SEMA3A: variants seen among roughly 807,000 people sequenced by gnomAD.
SEMA3A encodes the protein semaphorin-3A.
In SEMA3A, 29 loss-of-function variants were observed where a neutral mutation model predicts 97.9. The ratio of observed to expected loss-of-function variants is 0.30; its 90% CI spans 0.22 to 0.40. The LOEUF (loss-of-function observed/expected upper bound fraction) is 0.40, where lower values mean the gene tolerates loss of function less well. Ranked by LOEUF, SEMA3A falls within the 10% of genes least tolerant of loss-of-function variation. The probability of loss-of-function intolerance (pLI) is 1.00; values close to 1 mark genes in which losing one functional copy is unlikely to be tolerated. For synonymous variants in SEMA3A, 321 were observed against 323.7 expected (o/e 0.99, Z 0.09); for missense variants, 763 against 951.3 (o/e 0.80, Z 2.60).
rs145647995 is a variant in SEMA3A at position 84,311,775 on chromosome 7, G to T, written c.-168-4483C>A. Among the ~76,000 whole-genome samples the T allele has an allele frequency of 2.6e-4, 40 of 152,010 alleles. No individual in the cohort carries two copies. In the East Asian group the frequency reaches 6.6e-3, roughly 25 times the overall value. Reference sequence around the variant, plus strand: ...TTTACCTCTCAAACTTATCAGTTGTGCAATTGAAACCTTTTCATAGTTAAG... The same window carrying T: ...TTTACCTCTCAAACTTATCAGTTGTTCAATTGAAACCTTTTCATAGTTAAG... On this transcript the variant is annotated intron_variant, in intron 2 of 3. Coordinates refer to the SEMA3A transcript ENST00000424555.
intron 3 of SEMA3A, among the ~76,000 whole-genome samples, chr7:84,275,427 T>C (rs1470404310): frequency 6.6e-6 from 1 of 152,116 alleles, no homozygotes; most frequent in Non-Finnish European, 1.5e-5. Context: ...TACTTTATTG[T>C]TCTAATCCAA....
chr7:84,270,184 T>A (rs1800108009), intron 3 of SEMA3A, among the ~76,000 whole-genome samples: 1 of 152,114 alleles, frequency 6.6e-6, no homozygotes, highest in Non-Finnish European at 1.5e-5. Flanking sequence ...ACATTTTGCT[T>A]TATTTCTCAG....
At chr7:84,130,052 AT>A (rs1295631838) in intron 2 of SEMA3A, among the ~76,000 whole-genome samples, 1 of 151,854 alleles carries the variant, frequency 6.6e-6, no homozygotes, top group Non-Finnish European at 1.5e-5. Flanking sequence ...CCCCTGAGCA[AT>A]TCCAATGACT....
Position 84,111,125 on chromosome 7 carries a change from T to C in SEMA3A, c.334-536A>G, listed in dbSNP as rs531860972. On this transcript the variant is annotated intron_variant, in intron 3 of 16. Coordinates refer to ENST00000265362, the MANE Select transcript of SEMA3A (RefSeq NM_006080.3). ...AAATGAGTATTCACATGGTAAATAA[T>C]AAAAACTGCATTCAAATTATTTTGT... 2.6e-5 allele frequency among the ~76,000 whole-genome samples: 4 copies of C among 152,320 alleles called. No homozygotes were observed. In the South Asian group the frequency reaches 8.3e-4, roughly 32 times the overall value.
intron 1 of SEMA3A, among the ~76,000 whole-genome samples, chr7:84,441,107 G>T (rs1175944647): frequency 6.6e-6 from 1 of 151,894 alleles, no homozygotes. Flanking sequence ...GTGGTGAGCC[G>T]AGATTGCACT....
At chr7:84,017,444 C>T (rs1057278917) in intron 6 of SEMA3A, among the ~76,000 whole-genome samples, 4 of 152,038 alleles carry the variant, frequency 2.6e-5, no homozygotes, top group African/African-American at 9.7e-5. Flanking sequence ...GAAGTATGCA[C>T]AGAAAATGAA....
chr7:84,258,293 T>C (rs1936138224), intron 3 of SEMA3A, among the ~76,000 whole-genome samples: 1 of 152,204 alleles, frequency 6.6e-6, no homozygotes, highest in Admixed American at 6.5e-5. Context: ...TATTGCTTAG[T>C]TTGTAACTGT....
intron 3 of SEMA3A, among the ~76,000 whole-genome samples, chr7:84,234,459 T>A (rs960611653): frequency 6.6e-6 from 1 of 152,092 alleles, no homozygotes; most frequent in Non-Finnish European, 1.5e-5. Flanking sequence ...CTTCTTTACA[T>A]TGATTTGTCT....
At chr7:84,091,124 GAAAGAAAGAAA>G (rs1794558620) in intron 4 of SEMA3A, among the ~76,000 whole-genome samples, 2 of 51,038 alleles carry the variant, frequency 3.9e-5, no homozygotes, top group South Asian at 1.3e-3. Context: ...GAAAGAAAAA[GAAAGAAAGAAA>G]GAAGGAAGGA....
At chr7:84,210,663 T>C (rs1798604255) in intron 3 of SEMA3A, among the ~76,000 whole-genome samples, 1 of 152,144 alleles carries the variant, frequency 6.6e-6, no homozygotes, top group African/African-American at 2.4e-5. Flanking sequence ...GGTTGCAGTG[T>C]GGAGTGATGT....
At chr7:84,210,215 C>T (rs1255389951) in intron 3 of SEMA3A, among the ~76,000 whole-genome samples, 1 of 151,960 alleles carries the variant, frequency 6.6e-6, no homozygotes, top group African/African-American at 2.4e-5. Flanking sequence ...GAGGAGGTCC[C>T]AATCTAATGA....
At chr7:84,203,518 A>ATTTT (rs1562850324) in intron 3 of SEMA3A, among the ~76,000 whole-genome samples, 1 of 48,576 alleles carries the variant, frequency 2.1e-5, no homozygotes, top group Non-Finnish European at 4.5e-5. Context: ...ATATATATAT[A>ATTTT]TATATATATT....
chr7:84,396,367 A>G (rs945583771), intron 1 of SEMA3A, among the ~76,000 whole-genome samples: 4 of 151,758 alleles, frequency 2.6e-5, no homozygotes, highest in African/African-American at 9.7e-5. Context: ...CTATAATAGT[A>G]ACTATAGTCG....
At chr7:84,099,329 C>G (rs1794881616) in intron 4 of SEMA3A, among the ~76,000 whole-genome samples, 2 of 55,048 alleles carry the variant, frequency 3.6e-5, no homozygotes, top group South Asian at 4.5e-4. Flanking sequence ...CTCGGCCTCC[C>G]AAAGTGCTGG....
intron 1 of SEMA3A, among the ~76,000 whole-genome samples, chr7:84,491,983 AT>A (rs1264377145): frequency 1.3e-5 from 2 of 152,284 alleles, no homozygotes; most frequent in African/African-American, 2.4e-5. Context: ...TATAGAACAG[AT>A]TTGTTAGGCA....
intron 9 of SEMA3A, among the ~76,000 whole-genome samples, chr7:84,010,314 T>C (rs1790828176): frequency 6.6e-6 from 1 of 152,210 alleles, no homozygotes; most frequent in African/African-American, 2.4e-5. Flanking sequence ...TTTTTTAAAT[T>C]ACCTAAAAGC....
chr7:84,359,021 G>A (rs1390044357), intron 2 of SEMA3A, among the ~76,000 whole-genome samples: 2 of 152,140 alleles, frequency 1.3e-5, no homozygotes, highest in Non-Finnish European at 2.9e-5. Flanking sequence ...GCTGAAAGCA[G>A]CTTAAGGAGA....
intron 1 of SEMA3A, among the ~76,000 whole-genome samples, chr7:84,385,098 A>T (rs950317494): frequency 7.3e-6 from 1 of 136,456 alleles, no homozygotes; most frequent in Non-Finnish European, 1.5e-5. Context: ...CACACACACA[A>T]ACACTCAATT....
intron 1 of SEMA3A, among the ~76,000 whole-genome samples, chr7:84,408,407 G>C (rs1270240828): frequency 6.6e-6 from 1 of 151,658 alleles, no homozygotes; most frequent in Non-Finnish European, 1.5e-5. Flanking sequence ...GTGCTGGAGA[G>C]GATGTGGAGA....
Sources: gnomAD v4.1 joint callset for allele counts (sites outside exome capture counted in the v4.1 genomes callset) on GRCh38, gnomAD v4.1.1 for gene constraint, MANE v1.5 for transcripts, NCBI Gene and HGNC (gene_info 2026-07-23, HGNC 2026-07-21) for gene names.